CAMSAP1: variants seen among roughly 807,000 people sequenced by gnomAD.
CAMSAP1 encodes calmodulin-regulated spectrin-associated protein 1.
CAMSAP1 carries 58 observed loss-of-function variants against 143.5 expected under a neutral mutation model. That is an observed-to-expected ratio of 0.40 (90% CI 0.33 to 0.50). CAMSAP1 has a LOEUF of 0.50. Among genes scored for constraint, CAMSAP1 ranks in the 20% least tolerant of loss-of-function variants. The pLI is 0.45. For missense variants in CAMSAP1, 1,969 were observed against 2,115.7 expected (o/e 0.93, Z 1.36); for synonymous variants, 945 against 859.3 (o/e 1.10, Z -1.74).
intron 1 of CAMSAP1, among the ~76,000 whole-genome samples, chr9:135,889,250 T>C (rs572086361): frequency 3.9e-5 from 6 of 152,232 alleles, no homozygotes; most frequent in Non-Finnish European, 7.4e-5. Flanking sequence ...CGTAACTGGG[T>C]GGACTACCTG....
At chr9:135,854,946 A>C (rs1256646261) in intron 5 of CAMSAP1, among the ~76,000 whole-genome samples, 1 of 151,630 alleles carries the variant, frequency 6.6e-6, no homozygotes, top group Admixed American at 6.6e-5. Context: ...AGGAGACCCC[A>C]GTGTCTGTGT....
chr9:135,880,975 T>C (rs1192166131), intron 3 of CAMSAP1, among the ~76,000 whole-genome samples: 1 of 152,182 alleles, frequency 6.6e-6, no homozygotes, highest in Admixed American at 6.5e-5. Flanking sequence ...TTTTCCTTAA[T>C]AATCAAAATG....
chr9:135,828,442 A>G (rs1029784333), intron 7 of CAMSAP1, among the ~76,000 whole-genome samples: 4 of 152,232 alleles, frequency 2.6e-5, no homozygotes, highest in African/African-American at 7.2e-5. Flanking sequence ...CATGTGACCA[A>G]AAGCCAAGGG....
chr9:135,887,753 CG>C (rs1838169948), intron 1 of CAMSAP1, among the ~76,000 whole-genome samples: 1 of 152,256 alleles, frequency 6.6e-6, no homozygotes, highest in Admixed American at 6.5e-5. Flanking sequence ...GGGAGAAGTG[CG>C]GCTACAGGGG....
At chr9:135,889,203 G>A (rs1838219254) in intron 1 of CAMSAP1, among the ~76,000 whole-genome samples, 1 of 152,150 alleles carries the variant, frequency 6.6e-6, no homozygotes, top group African/African-American at 2.4e-5. Context: ...TCAACTGTAT[G>A]TAGCCCCCAG....
intron 1 of CAMSAP1, among the ~76,000 whole-genome samples, chr9:135,904,816 C>T (rs1011563205): frequency 2.6e-4 from 40 of 152,222 alleles, no homozygotes; most frequent in African/African-American, 8.9e-4. Context: ...AATACAAAAA[C>T]TGGCCGGGAG....
Position 135,905,828 on chromosome 9 carries a change from G to T in CAMSAP1, c.160+1172C>A, listed in dbSNP as rs1035378036. ...CAAGATACCCAGGCGTCCGCTCTCG[G>T]GCTGTTCTTTGCACCTGACTCAAGT... On this transcript the variant is annotated intron_variant, in intron 1 of 16. Transcript: ENST00000389532. Among the ~76,000 whole-genome samples, 5 of 152,282 alleles carry T rather than the reference G, an allele frequency of 3.3e-5. No homozygotes were observed. The South Asian group carries it at 1.0e-3, about 32-fold the overall frequency.
rs1256460265 is a variant in CAMSAP1, at chr9:135,824,720, G to T, written c.1315+69C>A. On this transcript the variant is annotated intron_variant, in intron 9 of 16. Coordinates refer to ENST00000389532, the MANE Select transcript of CAMSAP1 (RefSeq NM_015447.4). The surrounding 1 kb of genome is among the most constrained non-coding windows in gnomAD (Gnocchi z 4.1). Reference sequence around the variant, plus strand: ...ACATCAGATAAAATGATTTAATTTTGAGAAATATGATTTTACTAATCTATA... The same window carrying T: ...ACATCAGATAAAATGATTTAATTTTTAGAAATATGATTTTACTAATCTATA... 3 of 1,122,016 alleles carry T rather than the reference G, an allele frequency of 2.7e-6. No individual in the cohort carries two copies. In the African/African-American group the frequency reaches 4.9e-5, roughly 18 times the overall value. The allele number at this position is 1,122,016 out of a possible 1,614,324, so 69.5% of individuals were successfully genotyped here.
intron 1 of CAMSAP1, among the ~76,000 whole-genome samples, chr9:135,893,771 G>A (rs546414866): frequency 2.6e-5 from 4 of 152,300 alleles, no homozygotes; most frequent in East Asian, 1.9e-4. Context: ...TAATACTGAC[G>A]AAATCCAAAG....
At chr9:135,865,705 A>C (rs1279680111) in intron 4 of CAMSAP1, among the ~76,000 whole-genome samples, 1 of 152,172 alleles carries the variant, frequency 6.6e-6, no homozygotes, top group East Asian at 1.9e-4. Flanking sequence ...TGACCATCTG[A>C]GGAACAGGGA....
chr9:135,884,018 C>T (rs1430039582), intron 1 of CAMSAP1, among the ~76,000 whole-genome samples: 1 of 152,218 alleles, frequency 6.6e-6, no homozygotes, highest in African/African-American at 2.4e-5. Context: ...CACTGTCTCA[C>T]AAGACATCAA....
intron 3 of CAMSAP1, among the ~76,000 whole-genome samples, chr9:135,876,204 C>T (rs1342071867): frequency 6.6e-6 from 1 of 152,204 alleles, no homozygotes; most frequent in Non-Finnish European, 1.5e-5. Flanking sequence ...CTGCCCACCT[C>T]GGCCTCCCAA....
chr9:135,888,036 G>C (rs368197267), intron 1 of CAMSAP1, among the ~76,000 whole-genome samples: 10 of 152,172 alleles, frequency 6.6e-5, no homozygotes, highest in African/African-American at 2.2e-4. Flanking sequence ...GGAACTCAGA[G>C]GGGTGGCAAC....
chr9:135,828,757 A>G (rs1419021744), intron 7 of CAMSAP1, among the ~76,000 whole-genome samples: 6 of 152,236 alleles, frequency 3.9e-5, no homozygotes, highest in Admixed American at 3.9e-4. Context: ...CCCCAGGCAC[A>G]TTATAATCAA....
In CAMSAP1 at chr9:135,818,304, C is replaced by T; in HGVS notation, c.4168+104G>A. On this transcript the variant is annotated intron_variant, in intron 13 of 16. Coordinates refer to ENST00000389532, the MANE Select transcript of CAMSAP1 (RefSeq NM_015447.4). This position sits in a 1 kb window ranked among gnomAD's most constrained non-coding sequence, Gnocchi z 7.7. ...ACGGGGATAATCATCTCCACCCTTC[C>T]CGCCTCACACCACTCTTGATGACAA... 3.9e-6 allele frequency: 5 copies of T among 1,286,676 alleles called. No individual in the cohort carries two copies. Among genetic ancestry groups the T allele is most frequent in the Non-Finnish European group, 5.3e-6 (5 of 943,286 alleles). 79.7% of individuals were successfully genotyped at this position (1,286,676 alleles called of 1,614,324 possible). A position where few individuals can be genotyped will look rare whatever the true frequency, so the allele number is the denominator to read the frequency against.
chr9:135,879,367 C>A (rs1286350002), intron 3 of CAMSAP1, among the ~76,000 whole-genome samples: 1 of 151,960 alleles, frequency 6.6e-6, no homozygotes, highest in Admixed American at 6.6e-5. Context: ...AAATGAGAAA[C>A]GTGACCAAGC....
At chr9:135,841,665 T>C (rs1168956345) in intron 7 of CAMSAP1, among the ~76,000 whole-genome samples, 1 of 152,190 alleles carries the variant, frequency 6.6e-6, no homozygotes, top group Non-Finnish European at 1.5e-5. Flanking sequence ...CAGGCAGCAA[T>C]CTTTGCTGTT....
At chr9:135,835,765 A>G (rs369297476) in intron 7 of CAMSAP1, among the ~76,000 whole-genome samples, 9 of 152,208 alleles carry the variant, frequency 5.9e-5, no homozygotes, top group African/African-American at 2.2e-4. Flanking sequence ...GATCACCTGA[A>G]GTCAGGAGTT....
chr9:135,837,365 T>C (rs1445211029), intron 7 of CAMSAP1, among the ~76,000 whole-genome samples: 2 of 149,636 alleles, frequency 1.3e-5, no homozygotes, highest in Non-Finnish European at 3.0e-5. Context: ...TTTCTACCGG[T>C]TCTACAGACA....
Sources: allele counts gnomAD v4.1 joint callset (sites outside exome capture counted in the v4.1 genomes callset), GRCh38; gene constraint gnomAD v4.1.1; non-coding constraint Gnocchi (gnomAD v3.1); transcripts MANE v1.5; gene names NCBI Gene and HGNC (gene_info 2026-07-23, HGNC 2026-07-21).